The following GMDS variants were observed in gnomAD, a reference collection of about 807,000 sequenced individuals.
The protein encoded by GMDS is GDP-mannose 4,6 dehydratase.
In GMDS, 20 loss-of-function variants were observed where a neutral mutation model predicts 49.9. The ratio of observed to expected loss-of-function variants is 0.40; its 90% confidence interval spans 0.28 to 0.58. The LOEUF is 0.58. Among genes scored for constraint, GMDS ranks in the 20% least tolerant of loss-of-function variants. GMDS has a pLI of 0.42. For missense variants in GMDS, 362 were observed against 481.4 expected (o/e 0.75, Z 2.32); for synonymous variants, 177 against 178.6 (o/e 0.99, Z 0.07).
chr6:1,727,655 T>A (rs150627770), intron 8 of GMDS, among the ~76,000 whole-genome samples: 1 of 152,128 alleles, frequency 6.6e-6, no homozygotes, highest in Non-Finnish European at 1.5e-5. Flanking sequence ...CAGTTATATT[T>A]TGGAATAGGT....
intron 4 of GMDS, among the ~76,000 whole-genome samples, chr6:1,966,817 G>C (rs1310201280): frequency 6.6e-6 from 1 of 152,110 alleles, no homozygotes; most frequent in Non-Finnish European, 1.5e-5. Context: ...GCAAAACCTA[G>C]AAATCTTCCC....
intron 7 of GMDS, among the ~76,000 whole-genome samples, chr6:1,818,354 T>C (rs955057889): frequency 6.6e-6 from 1 of 152,160 alleles, no homozygotes; most frequent in Admixed American, 6.5e-5. Context: ...ATGCCTGTAA[T>C]CCCAGCACTT....
chr6:1,929,818 C>T (rs1762205005), intron 7 of GMDS, among the ~76,000 whole-genome samples: 1 of 152,212 alleles, frequency 6.6e-6, no homozygotes, highest in Non-Finnish European at 1.5e-5. Flanking sequence ...ACCATTCAAA[C>T]ACTTTTTCCA....
chr6:1,831,758 T>C (rs1383585177), intron 7 of GMDS, among the ~76,000 whole-genome samples: 1 of 152,192 alleles, frequency 6.6e-6, no homozygotes, highest in Non-Finnish European at 1.5e-5. Flanking sequence ...CAGAGCAAGC[T>C]AGCATATTGA....
intron 7 of GMDS, among the ~76,000 whole-genome samples, chr6:1,927,813 T>C (rs1762098712): frequency 6.6e-6 from 1 of 152,198 alleles, no homozygotes; most frequent in Non-Finnish European, 1.5e-5. Context: ...TTGGCCTGTT[T>C]CTGAAATGTC....
Position 1,965,857 on chromosome 6 carries a change from AAGAG to A in GMDS, c.346-4895_346-4892del, listed in dbSNP as rs200655068. Among the ~76,000 whole-genome samples the A allele has an allele frequency of 5.1e-4, 77 of 152,042 alleles. 1 individual carries two copies. Among genetic ancestry groups the A allele is most frequent in the South Asian group, 8.3e-4 (4 of 4,812 alleles). On this transcript the variant is annotated intron_variant, in intron 4 of 10. Transcript: ENST00000380815. Reference sequence around the variant, plus strand: ...AAATGAAACGTAGGTTAAAAAAAGAAAGAGAGAGAGAGAGATTATTTTTAAGTAA... The same window carrying A: ...AAATGAAACGTAGGTTAAAAAAAGAAAGAGAGAGAGATTATTTTTAAGTAA...
intron 4 of GMDS, among the ~76,000 whole-genome samples, chr6:2,037,329 C>T (rs1383942780): frequency 1.3e-5 from 2 of 152,286 alleles, no homozygotes; most frequent in African/African-American, 2.4e-5. Context: ...CAAAAAACTA[C>T]ACGACGTTGT....
intron 4 of GMDS, among the ~76,000 whole-genome samples, chr6:1,980,979 T>A (rs930952434): frequency 6.6e-6 from 1 of 152,142 alleles, no homozygotes; most frequent in Non-Finnish European, 1.5e-5. Context: ...AATCAAGAAG[T>A]TCTTTGAAAC....
At chr6:1,763,995 G>A (rs1033439990) in intron 7 of GMDS, among the ~76,000 whole-genome samples, 3 of 152,180 alleles carry the variant, frequency 2.0e-5, no homozygotes, top group African/African-American at 7.2e-5. Flanking sequence ...AGGGTCTGCA[G>A]GGGAAAGACA....
chr6:1,898,648 G>C (rs745962035), intron 7 of GMDS, among the ~76,000 whole-genome samples: 1 of 152,144 alleles, frequency 6.6e-6, no homozygotes, highest in Non-Finnish European at 1.5e-5. Flanking sequence ...CTAACCACAA[G>C]TGTCCTGTCA....
chr6:2,118,436 G>C (rs1774966847), intron 2 of GMDS, among the ~76,000 whole-genome samples: 2 of 152,128 alleles, frequency 1.3e-5, no homozygotes, highest in African/African-American at 4.8e-5. Flanking sequence ...TCCTTCTTAT[G>C]CTGAAAAGTT....
intron 7 of GMDS, among the ~76,000 whole-genome samples, chr6:1,819,777 ATATAT>A (rs1226768158): frequency 9.4e-5 from 6 of 64,150 alleles, no homozygotes; most frequent in African/African-American, 1.1e-4. Flanking sequence ...AAAAAAAAAA[ATATAT>A]ATATATATAT....
intron 8 of GMDS, among the ~76,000 whole-genome samples, chr6:1,738,077 C>A (rs1320523152): frequency 6.8e-6 from 1 of 148,086 alleles, no homozygotes; most frequent in Non-Finnish European, 1.5e-5. Flanking sequence ...ACATACCACA[C>A]ACACACCACA....
At chr6:1,808,172 A>G (rs1446374502) in intron 7 of GMDS, among the ~76,000 whole-genome samples, 3 of 152,218 alleles carry the variant, frequency 2.0e-5, no homozygotes, top group African/African-American at 4.8e-5. Flanking sequence ...AGGTACCAGG[A>G]ACAAGGAACA....
intron 7 of GMDS, among the ~76,000 whole-genome samples, chr6:1,917,283 A>G (rs577679004): frequency 6.6e-6 from 1 of 152,258 alleles, no homozygotes; most frequent in Non-Finnish European, 1.5e-5. Flanking sequence ...AACATGGCAC[A>G]GTATCATGGT....
chr6:2,230,187 T>C (rs766932889), intron 1 of GMDS, among the ~76,000 whole-genome samples: 6 of 152,222 alleles, frequency 3.9e-5, no homozygotes, highest in Non-Finnish European at 7.3e-5. Context: ...CGTTAAGCAT[T>C]ATCTACATCA....
chr6:1,935,606 G>T (rs1054402359), intron 6 of GMDS, among the ~76,000 whole-genome samples: 2 of 152,118 alleles, frequency 1.3e-5, no homozygotes, highest in Non-Finnish European at 2.9e-5. Context: ...AGCCAGGCAT[G>T]TGGGCCTACA....
At chr6:2,129,971 A>G (rs969655845) in intron 1 of GMDS, among the ~76,000 whole-genome samples, 3 of 152,236 alleles carry the variant, frequency 2.0e-5, no homozygotes, top group Non-Finnish European at 4.4e-5. Context: ...ATGGAGATTC[A>G]AAGCAGGTAA....
intron 1 of GMDS, among the ~76,000 whole-genome samples, chr6:2,225,671 G>A (rs1780782847): frequency 6.6e-6 from 1 of 152,146 alleles, no homozygotes; most frequent in Admixed American, 6.5e-5. Flanking sequence ...GAAGTAAAAA[G>A]CCTTTGTGAT....
Sources: allele counts gnomAD v4.1 joint callset (sites outside exome capture counted in the v4.1 genomes callset), GRCh38; gene constraint gnomAD v4.1.1; transcripts MANE v1.5; gene names NCBI Gene and HGNC (gene_info 2026-07-23, HGNC 2026-07-21).